Variants in STIM2 observed in about 807,000 individuals in gnomAD.
STIM2 encodes stromal interaction molecule 2.
Under a neutral mutation model 85.8 loss-of-function variants are expected in STIM2, and 31 were observed. That is an observed-to-expected ratio of 0.36 (90% CI 0.27 to 0.49). The LOEUF is 0.49. Among genes scored for constraint, STIM2 ranks in the 20% least tolerant of loss-of-function variants. The pLI, the probability that STIM2 is intolerant of heterozygous loss-of-function variation, is 0.98. For synonymous variants in STIM2, 356 were observed against 331.1 expected (o/e 1.08, Z -0.82); for missense variants, 841 against 927.6 (o/e 0.91, Z 1.21).
chr4:27,022,846 A>G lies in STIM2; in HGVS notation c.2091A>G (p.Ser697=), dbSNP rs2109150228. The change falls in exon 12 of 12, where the codon TCA becomes TCG. Residue 697 remains serine, a synonymous_variant. Coordinates refer to ENST00000467087, the MANE Select transcript of STIM2 (RefSeq NM_020860.4). Reference sequence around the variant, plus strand: ...CGGTGCCTAAACCTCGCCACACATCATGTTCCTCAGCTGGCAACGACAGTA... The same window carrying G: ...CGGTGCCTAAACCTCGCCACACATCGTGTTCCTCAGCTGGCAACGACAGTA... 2 of 1,614,220 alleles carry G rather than the reference A, an allele frequency of 1.2e-6. No homozygotes were observed. The highest frequency in any genetic ancestry group is 1.7e-6 in the Non-Finnish European group (2 of 1,180,040).
chr4:26,930,740 T>G (rs1040683038), intron 2 of STIM2, among the ~76,000 whole-genome samples: 1 of 152,182 alleles, frequency 6.6e-6, no homozygotes, highest in Non-Finnish European at 1.5e-5. Flanking sequence ...AATTGAACAG[T>G]GTGTTTTGAA....
intron 3 of STIM2, among the ~76,000 whole-genome samples, chr4:26,958,214 A>G (rs1360921859): frequency 1.3e-5 from 2 of 152,110 alleles, no homozygotes; most frequent in Non-Finnish European, 2.9e-5. Context: ...TTAAGTTCTC[A>G]AGGTGTATTA....
chr4:26,881,518 A>G (rs1723015476), intron 1 of STIM2: 1 of 152,064 alleles, frequency 6.6e-6, no homozygotes, highest in South Asian at 2.1e-4. Flanking sequence ...GTAAGGATAT[A>G]GCAACAAGGT....
chr4:26,888,111 A>G (rs1003186198), intron 1 of STIM2, among the ~76,000 whole-genome samples: 9 of 152,240 alleles, frequency 5.9e-5, no homozygotes, highest in African/African-American at 1.9e-4. Flanking sequence ...ACAAAATACC[A>G]TCACAGTAGC....
At chr4:26,901,157 C>G (rs1485772119) in intron 1 of STIM2, among the ~76,000 whole-genome samples, 1 of 152,294 alleles carries the variant, frequency 6.6e-6, no homozygotes, top group South Asian at 2.1e-4. Context: ...AAATCTCAAG[C>G]GTGCTTGTCC....
At chr4:26,944,939 G>T (rs901784063) in intron 2 of STIM2, among the ~76,000 whole-genome samples, 1 of 152,092 alleles carries the variant, frequency 6.6e-6, no homozygotes, top group Admixed American at 6.5e-5. Context: ...GAACTTTTTT[G>T]TTTGTAACTT....
intron 3 of STIM2, among the ~76,000 whole-genome samples, chr4:26,983,509 A>C (rs1327604144): frequency 6.6e-6 from 1 of 152,254 alleles, no homozygotes; most frequent in Admixed American, 6.5e-5. Context: ...AAATGCACTA[A>C]GAAAAATCAT....
chr4:26,913,557 G>T (rs1724418711), intron 1 of STIM2, among the ~76,000 whole-genome samples: 1 of 152,190 alleles, frequency 6.6e-6, no homozygotes, highest in African/African-American at 2.4e-5. Flanking sequence ...TTAAGCAGAA[G>T]AGTAATGTTA....
At chr4:26,950,344 A>T (rs189006330) in intron 2 of STIM2, among the ~76,000 whole-genome samples, 1 of 152,228 alleles carries the variant, frequency 6.6e-6, no homozygotes, top group Non-Finnish European at 1.5e-5. Flanking sequence ...GGTACAATCT[A>T]CACACTCCTG....
chr4:26,959,629 C>T (rs1371858806), intron 3 of STIM2, among the ~76,000 whole-genome samples: 1 of 151,530 alleles, frequency 6.6e-6, no homozygotes, highest in Non-Finnish European at 1.5e-5. Flanking sequence ...AAAGAGGACT[C>T]TATTCTTAAA....
intron 11 of STIM2, among the ~76,000 whole-genome samples, chr4:27,018,385 C>A (rs1337118496): frequency 6.6e-6 from 1 of 152,182 alleles, no homozygotes. Context: ...CTGTTCCTTG[C>A]CACAGGATCT....
At chr4:27,013,809 A>G (rs995234788) in intron 10 of STIM2, among the ~76,000 whole-genome samples, 1 of 152,074 alleles carries the variant, frequency 6.6e-6, no homozygotes, top group African/African-American at 2.4e-5. Context: ...CTGTACCTTG[A>G]AATAGTCTAA....
chr4:26,868,944 G>A (rs1245306890), intron 1 of STIM2, among the ~76,000 whole-genome samples: 1 of 152,018 alleles, frequency 6.6e-6, no homozygotes, highest in African/African-American at 2.4e-5. Context: ...GCAATTATAG[G>A]TACCCCTGGC....
At position 27,022,955 on chromosome 4, in the gene STIM2, C is replaced by T. The variant is rs369045286; in HGVS notation, c.2200C>T (p.Pro734Ser). 5.6e-6 allele frequency: 9 copies of T among 1,613,576 alleles called. No individual in the cohort carries two copies. In the African/African-American group the frequency reaches 1.2e-4, roughly 22 times the overall value. Reference sequence around the variant, plus strand: ...TCATAATGGAGAGAAAAGCAAAAAGCCATCAAAAATCAAAAGCCTTTTTAA... The same window carrying T: ...TCATAATGGAGAGAAAAGCAAAAAGTCATCAAAAATCAAAAGCCTTTTTAA... The change falls in exon 12 of 12, where the codon CCA becomes TCA. Residue 734 changes from proline (P) to serine (S), a missense_variant. Around this residue, in one of 3 missense-constraint regions of STIM2, gnomAD observed 293 missense variants for 284.5 expected, o/e 1.03. Transcript: ENST00000467087.
At chr4:26,979,527 TGTC>T (rs1240941622) in intron 3 of STIM2, among the ~76,000 whole-genome samples, 2 of 152,188 alleles carry the variant, frequency 1.3e-5, no homozygotes, top group Admixed American at 6.5e-5. Context: ...CTAGAGCTCT[TGTC>T]GTTTGGGTTA....
At chr4:26,884,981 G>C (rs913807184) in intron 1 of STIM2, among the ~76,000 whole-genome samples, 10 of 152,106 alleles carry the variant, frequency 6.6e-5, no homozygotes, top group African/African-American at 2.2e-4. Context: ...TATAAAACTT[G>C]CTTTATTTCA....
At chr4:26,996,245 T>C (rs1404559243) in intron 4 of STIM2, among the ~76,000 whole-genome samples, 1 of 152,018 alleles carries the variant, frequency 6.6e-6, no homozygotes, top group Non-Finnish European at 1.5e-5. Context: ...TTAGAAATTA[T>C]AATTTTTAAT....
At chr4:26,999,136 A>G in intron 4 of STIM2, 96 bp from the exon 5 acceptor site, 1 of 415,430 alleles carries the variant, frequency 2.4e-6, no homozygotes. Context: ...TAATATGTAA[A>G]GTGTTAAATG....
intron 1 of STIM2, among the ~76,000 whole-genome samples, chr4:26,917,925 G>A (rs934657341): frequency 6.6e-6 from 1 of 151,998 alleles, no homozygotes; most frequent in Non-Finnish European, 1.5e-5. Flanking sequence ...CAAACTTACG[G>A]GCACATCAGG....
Sources: gnomAD v4.1 joint callset for allele counts (sites outside exome capture counted in the v4.1 genomes callset) on GRCh38, gnomAD v4.1.1 for gene constraint, gnomAD v4.1.1 regional missense constraint, MANE v1.5 for transcripts, NCBI Gene and HGNC (gene_info 2026-07-23, HGNC 2026-07-21) for gene names.